LUZP2: variants seen among roughly 807,000 people sequenced by gnomAD.
LUZP2 encodes the protein leucine zipper protein 2.
A neutral mutation model predicts 51.6 loss-of-function variants in LUZP2; 52 were observed. The ratio of observed to expected loss-of-function variants is 1.01; its 90% CI spans 0.81 to 1.27. LUZP2 has a LOEUF of 1.27. Ranked by LOEUF, LUZP2 falls within the 50% of genes most tolerant of loss-of-function variation. The pLI is 0.00. For missense variants in LUZP2, 436 were observed against 395.4 expected (o/e 1.10, Z -0.87); for synonymous variants, 154 against 137.3 (o/e 1.12, Z -0.85).
intron 1 of LUZP2, among the ~76,000 whole-genome samples, chr11:24,616,073 C>T (rs1343205172): frequency 6.6e-6 from 1 of 150,812 alleles, no homozygotes; most frequent in Non-Finnish European, 1.5e-5. Context: ...TGGTACAAGT[C>T]CTTTGTGGCA....
chr11:24,646,184 C>T (rs968808254), intron 1 of LUZP2, among the ~76,000 whole-genome samples: 1 of 152,068 alleles, frequency 6.6e-6, no homozygotes, highest in African/African-American at 2.4e-5. Flanking sequence ...ATGAATGTTG[C>T]TTTCTGTGTT....
intron 5 of LUZP2, among the ~76,000 whole-genome samples, chr11:24,849,233 A>G (rs1471169972): frequency 6.6e-6 from 1 of 152,022 alleles, no homozygotes; most frequent in Non-Finnish European, 1.5e-5. Flanking sequence ...TGCACCCATC[A>G]ACCTGTCAAA....
At chr11:24,968,800 G>A (rs370953087) in intron 7 of LUZP2, among the ~76,000 whole-genome samples, 4 of 152,250 alleles carry the variant, frequency 2.6e-5, no homozygotes, top group South Asian at 4.1e-4. Flanking sequence ...ATCATCTTGG[G>A]CCATTGCTCT....
At chr11:24,648,772 C>G (rs1270201526) in intron 1 of LUZP2, among the ~76,000 whole-genome samples, 1 of 151,918 alleles carries the variant, frequency 6.6e-6, no homozygotes, top group Non-Finnish European at 1.5e-5. Flanking sequence ...GTTACTAAAT[C>G]CTTGTACTCT....
rs1014047013 is a variant in LUZP2, at chr11:25,082,579, T to G, written c.*3921T>G. On this transcript the variant is annotated 3_prime_UTR_variant, in exon 12 of 12. Coordinates refer to ENST00000336930, the MANE Select transcript of LUZP2 (RefSeq NM_001009909.4). ...GTGTTATATAATAACAGTCGAATGA[T>G]GAAGAATAAAAGATGCTGAAAGATG... 2 of 152,174 alleles carry G rather than the reference T, an allele frequency of 1.3e-5. No individual in the cohort carries two copies. The highest frequency in any genetic ancestry group is 4.8e-5 in the African/African-American group (2 of 41,438). 9.4% of individuals were successfully genotyped at this position (152,174 alleles called of 1,614,324 possible).
Position 24,770,530 on chromosome 11 carries a change from T to C in LUZP2, c.396+7222T>C, listed in dbSNP as rs534936557. Among the ~76,000 whole-genome samples, 48 of 152,342 alleles carry C rather than the reference T, an allele frequency of 3.2e-4. No homozygotes were observed. In the South Asian group the frequency reaches 9.7e-3, roughly 31 times the overall value. The stretch of plus-strand genomic sequence containing the variant: ...AATTCTGGCTTATTAATATGTCTTC[T>C]TCAGCTCCTGTTATCAACTGATTTA... On this transcript the variant is annotated intron_variant, in intron 5 of 11. Transcript: ENST00000336930.
chr11:24,572,957 C>T (rs572513747), intron 1 of LUZP2, among the ~76,000 whole-genome samples: 4 of 152,040 alleles, frequency 2.6e-5, no homozygotes, highest in Admixed American at 1.3e-4. Context: ...TTAGATATCA[C>T]GTACAATTTT....
At chr11:24,546,016 A>G (rs940305692) in intron 1 of LUZP2, among the ~76,000 whole-genome samples, 2 of 151,938 alleles carry the variant, frequency 1.3e-5, no homozygotes, top group African/African-American at 2.4e-5. Context: ...TTAGCTGTAT[A>G]TCAAGGTATT....
chr11:24,969,767 A>C (rs1855692362), intron 7 of LUZP2, among the ~76,000 whole-genome samples: 1 of 152,152 alleles, frequency 6.6e-6, no homozygotes, highest in Non-Finnish European at 1.5e-5. Flanking sequence ...GAGCATTGAG[A>C]TCTCACCTAG....
chr11:24,878,628 TTTTA>T (rs200084339), intron 5 of LUZP2, among the ~76,000 whole-genome samples: 1,691 of 152,040 alleles, frequency 0.011, 34 homozygotes, highest in African/African-American at 0.031. Flanking sequence ...CCCTTTTAGT[TTTTA>T]TTTTATTTTA....
chr11:24,736,806 G>C (rs1858958812), intron 3 of LUZP2, among the ~76,000 whole-genome samples: 1 of 151,990 alleles, frequency 6.6e-6, no homozygotes, highest in Non-Finnish European at 1.5e-5. Flanking sequence ...GTTTGAGACA[G>C]TGATGGAAGC....
At chr11:24,693,596 A>G (rs1200253265) in intron 1 of LUZP2, among the ~76,000 whole-genome samples, 1 of 151,986 alleles carries the variant, frequency 6.6e-6, no homozygotes, top group Non-Finnish European at 1.5e-5. Context: ...AAAACTAGAG[A>G]TCTTTGTTTT....
chr11:24,976,121 A>G (rs1386196517), intron 7 of LUZP2, among the ~76,000 whole-genome samples: 1 of 151,890 alleles, frequency 6.6e-6, no homozygotes, highest in Admixed American at 6.6e-5. Context: ...TTATGTGAAC[A>G]TGTGTCCTAT....
intron 10 of LUZP2, among the ~76,000 whole-genome samples, chr11:25,074,549 A>T (rs149885510): frequency 1.3e-5 from 2 of 152,150 alleles, no homozygotes; most frequent in Non-Finnish European, 2.9e-5. Context: ...CATTAATGAA[A>T]TATATTGCAT....
At chr11:24,895,326 A>G (rs1853004544) in intron 5 of LUZP2, among the ~76,000 whole-genome samples, 1 of 152,190 alleles carries the variant, frequency 6.6e-6, no homozygotes, top group African/African-American at 2.4e-5. Context: ...ATATATAAAA[A>G]AACTGCAAGA....
At chr11:24,635,696 T>C (rs1482238977) in intron 1 of LUZP2, among the ~76,000 whole-genome samples, 2 of 151,550 alleles carry the variant, frequency 1.3e-5, no homozygotes, top group African/African-American at 4.9e-5. Flanking sequence ...TCATCTGTAA[T>C]GAAATTTGGA....
At chr11:24,963,012 T>C (rs1374607994) in intron 7 of LUZP2, among the ~76,000 whole-genome samples, 2 of 152,182 alleles carry the variant, frequency 1.3e-5, no homozygotes, top group African/African-American at 4.8e-5. Flanking sequence ...TCTGTTGGAG[T>C]TTGCTAGAGG....
At chr11:24,642,268 TTGTCA>T (rs1855315861) in intron 1 of LUZP2, among the ~76,000 whole-genome samples, 1 of 151,870 alleles carries the variant, frequency 6.6e-6, no homozygotes, top group Non-Finnish European at 1.5e-5. Context: ...TTAGACTGTT[TTGTCA>T]CATTCTGCAT....
At chr11:24,968,780 A>T (rs1460821278) in intron 7 of LUZP2, among the ~76,000 whole-genome samples, 1 of 152,212 alleles carries the variant, frequency 6.6e-6, no homozygotes, top group Non-Finnish European at 1.5e-5. Context: ...TGCTCAGTGC[A>T]ACTACAGTGA....
Sources: allele counts gnomAD v4.1 joint callset (sites outside exome capture counted in the v4.1 genomes callset), GRCh38; gene constraint gnomAD v4.1.1; transcripts MANE v1.5; gene names NCBI Gene and HGNC (gene_info 2026-07-23, HGNC 2026-07-21).